PPFIA2: variants seen among roughly 807,000 people sequenced by gnomAD.
The protein encoded by PPFIA2 is PPFI scaffold protein A2.
PPFIA2 carries 46 observed loss-of-function variants against 175.5 expected under a neutral mutation model. The ratio of observed to expected loss-of-function variants is 0.26; its 90% confidence interval spans 0.21 to 0.34. The LOEUF is 0.34. PPFIA2 is among the 10% of genes least tolerant of loss of function. The pLI is 1.00. For synonymous variants in PPFIA2, 568 were observed against 511.4 expected (o/e 1.11, Z -1.49); for missense variants, 1,179 against 1,506.1 (o/e 0.78, Z 3.60).
chr12:81,486,894 T>C lies in PPFIA2; in HGVS notation c.304-29028A>G, dbSNP rs983130674. The stretch of plus-strand genomic sequence containing the variant: ...CTAAAAGAAAAATATAAGATCTTAA[T>C]TGAACCTGAAAACATATGCCAATCA... On this transcript the variant is annotated intron_variant, in intron 4 of 32. Coordinates refer to ENST00000549396, the MANE Select transcript of PPFIA2 (RefSeq NM_003625.5). 5.9e-5 allele frequency among the ~76,000 whole-genome samples: 9 copies of C among 151,928 alleles called. No individual in the cohort carries two copies. The East Asian group carries it at 1.7e-3, about 29-fold the overall frequency.
intron 4 of PPFIA2, among the ~76,000 whole-genome samples, chr12:81,666,294 A>C (rs1315509285): frequency 6.6e-6 from 1 of 152,248 alleles, no homozygotes; most frequent in Non-Finnish European, 1.5e-5. Context: ...TCATGCTGCT[A>C]TAAAGACACA....
intron 4 of PPFIA2, among the ~76,000 whole-genome samples, chr12:81,498,686 G>A (rs997199430): frequency 2.6e-5 from 4 of 152,040 alleles, no homozygotes; most frequent in Non-Finnish European, 5.9e-5. Flanking sequence ...GTGCAGTGGC[G>A]TGATCTCGGC....
intron 4 of PPFIA2, among the ~76,000 whole-genome samples, chr12:81,571,599 G>T (rs2072557438): frequency 6.6e-6 from 1 of 152,056 alleles, no homozygotes; most frequent in African/African-American, 2.4e-5. Flanking sequence ...TATAATAAAG[G>T]TCAACTGGTT....
intron 3 of PPFIA2, among the ~76,000 whole-genome samples, chr12:81,733,419 C>CTG (rs1282802583): frequency 3.3e-5 from 5 of 151,556 alleles, no homozygotes; most frequent in African/African-American, 9.7e-5. Flanking sequence ...ATAGTTAATA[C>CTG]TGTATTGTGC....
chr12:81,429,892 T>C (rs1481463020), intron 7 of PPFIA2: 1 of 152,080 alleles, frequency 6.6e-6, no homozygotes, highest in Non-Finnish European at 1.5e-5. Context: ...CACCATCCCA[T>C]ACTAAAATTT....
At chr12:81,718,660 A>G (rs1384186807) in intron 3 of PPFIA2, among the ~76,000 whole-genome samples, 2 of 151,684 alleles carry the variant, frequency 1.3e-5, no homozygotes, top group African/African-American at 4.8e-5. Context: ...ATAGAGTTCT[A>G]AAATGTATGG....
At chr12:81,443,845 C>CTTTTTTTTTTTTTTT (rs1183160145) in intron 6 of PPFIA2, among the ~76,000 whole-genome samples, 1 of 71,162 alleles carries the variant, frequency 1.4e-5, no homozygotes, top group Admixed American at 1.5e-4. Flanking sequence ...GCCAACCTTT[C>CTTTTTTTTTTTTTTT]TTTTTTTTTT....
intron 7 of PPFIA2, among the ~76,000 whole-genome samples, chr12:81,417,546 C>A (rs531238772): frequency 2.6e-5 from 4 of 151,382 alleles, no homozygotes; most frequent in African/African-American, 4.8e-5. Flanking sequence ...TATAACAAAG[C>A]AAGCTAGGGC....
Position 81,358,128 on chromosome 12 carries a change from C to A in PPFIA2, c.1727G>T (p.Arg576Ile). Residue 576 changes from arginine (R) to isoleucine (I), a missense_variant, in exon 16 of 33, where the codon AGA becomes ATA. Physicochemically the swap from Arg to Ile is moderately conservative, Grantham distance 97. Transcript: ENST00000549396. Reference sequence around the variant, plus strand: ...ACCCATGCGGCCTCTCCTTGGTCTTCTTATTACTTTAGTTGTTCTGTAATC... The same window carrying A: ...ACCCATGCGGCCTCTCCTTGGTCTTATTATTACTTTAGTTGTTCTGTAATC... Reference protein sequence around the residue: ...QSDYRTTKVIRRPRRGRMGVR... With the variant: ...QSDYRTTKVIIRPRRGRMGVR... The A allele has an allele frequency of 6.2e-7, 1 of 1,603,388 alleles. No homozygotes were observed.
chr12:81,650,195 G>C lies in PPFIA2; in HGVS notation c.303+26596C>G, dbSNP rs980682065. ...CAGCTAATTTTTTGTATTTTTAGTA[G>C]AGACGGGGCTTCACCGGGTTAGCCA... On this transcript the variant is annotated intron_variant, in intron 4 of 32. Transcript: ENST00000549396. 6.6e-5 allele frequency among the ~76,000 whole-genome samples: 10 copies of C among 151,998 alleles called. No individual in the cohort carries two copies. The South Asian group carries it at 8.3e-4, about 13-fold the overall frequency.
intron 4 of PPFIA2, among the ~76,000 whole-genome samples, chr12:81,540,494 G>A (rs1407557800): frequency 6.6e-6 from 1 of 151,988 alleles, no homozygotes; most frequent in Non-Finnish European, 1.5e-5. Context: ...GAACTAAGCA[G>A]AGATTAAATT....
chr12:81,648,598 G>A (rs58377340), intron 4 of PPFIA2, among the ~76,000 whole-genome samples: 10,122 of 151,544 alleles, frequency 0.067, 440 homozygotes, highest in East Asian at 0.25. Context: ...ATGTAATCTC[G>A]GTGACTCTCA....
chr12:81,274,543 C>A (rs576832069), intron 28 of PPFIA2, among the ~76,000 whole-genome samples: 1 of 151,640 alleles, frequency 6.6e-6, no homozygotes, highest in African/African-American at 2.4e-5. Flanking sequence ...AAAGTTAGAT[C>A]TCTTTCCATA....
chr12:81,705,523 A>G (rs2153607018), intron 3 of PPFIA2, among the ~76,000 whole-genome samples: 1 of 152,150 alleles, frequency 6.6e-6, no homozygotes, highest in East Asian at 1.9e-4. Flanking sequence ...GAGTGTCCAT[A>G]GTCCAGTTGG....
chr12:81,348,538 C>A (rs192027091), intron 17 of PPFIA2, among the ~76,000 whole-genome samples: 2 of 151,960 alleles, frequency 1.3e-5, no homozygotes, highest in Admixed American at 6.6e-5. Context: ...GAGTTCGAGA[C>A]CAGCCTGGCC....
chr12:81,503,187 C>T (rs141091834), intron 4 of PPFIA2, among the ~76,000 whole-genome samples: 6 of 152,136 alleles, frequency 3.9e-5, no homozygotes, highest in African/African-American at 1.4e-4. Flanking sequence ...CCGATGAGGA[C>T]TGTGGTAACA....
chr12:81,381,771 C>T (rs150267098), intron 9 of PPFIA2, among the ~76,000 whole-genome samples: 6 of 152,030 alleles, frequency 3.9e-5, no homozygotes, highest in Non-Finnish European at 7.4e-5. Flanking sequence ...AGCAGTCTAC[C>T]ACTTCATGGT....
At position 81,469,307 on chromosome 12, in the gene PPFIA2, T is replaced by G; in HGVS notation, c.304-11441A>C. ...ACAAAATTTTATTGGATGCCTAATA[T>G]GTAGGAGAGCCTGTGAAATTTTTCA... is the stretch of plus-strand genomic sequence containing the variant. On this transcript the variant is annotated intron_variant, in intron 4 of 32. Coordinates refer to ENST00000549396, the MANE Select transcript of PPFIA2 (RefSeq NM_003625.5). Among the ~76,000 whole-genome samples, 2 of 152,178 alleles carry G rather than the reference T, an allele frequency of 1.3e-5. 1 individual carries two copies. The highest frequency in any genetic ancestry group is 3.9e-4 in the East Asian group (2 of 5,192).
chr12:81,512,046 G>A (rs907704435), intron 4 of PPFIA2, among the ~76,000 whole-genome samples: 3 of 152,032 alleles, frequency 2.0e-5, no homozygotes, highest in Non-Finnish European at 4.4e-5. Flanking sequence ...TAAATCAGAG[G>A]TGCAGTTACT....
Sources: allele counts gnomAD v4.1 joint callset (sites outside exome capture counted in the v4.1 genomes callset), GRCh38; gene constraint gnomAD v4.1.1; transcripts MANE v1.5; gene names NCBI Gene and HGNC (gene_info 2026-07-23, HGNC 2026-07-21).